The following FAM149B1 variants were observed in gnomAD, a reference collection of about 807,000 sequenced individuals.
The protein encoded by FAM149B1 is primary cilium assembly protein FAM149B1.
A neutral mutation model predicts 75.3 loss-of-function variants in FAM149B1; 56 were observed. That is an observed-to-expected ratio of 0.74 (90% CI 0.60 to 0.93). FAM149B1 has a LOEUF of 0.93. Among genes scored for constraint, FAM149B1 ranks in the 40% least tolerant of loss-of-function variants. The pLI, the probability that FAM149B1 is intolerant of heterozygous loss-of-function variation, is 0.00. For missense variants in FAM149B1, 639 were observed against 708.4 expected, an observed-to-expected ratio of 0.90 and a Z score of 1.11; for synonymous variants, 259 against 256.1, an observed-to-expected ratio of 1.01 and a Z score of -0.11.
At chr10:73,184,012 A>T (rs1233863203) in intron 3 of FAM149B1, among the ~76,000 whole-genome samples, 2 of 152,176 alleles carry the variant, frequency 1.3e-5, no homozygotes, top group African/African-American at 4.8e-5. Context: ...GAATTTATTA[A>T]GGATATCTGG....
chr10:73,234,613 G>C, intron 10 of FAM149B1: 1 of 569,684 alleles, frequency 1.8e-6, no homozygotes, highest in Admixed American at 3.2e-5. Context: ...CCAGAGTATA[G>C]AGCTTCAAAA....
intron 7 of FAM149B1, among the ~76,000 whole-genome samples, chr10:73,226,228 C>T (rs768820248): frequency 7.4e-4 from 113 of 151,994 alleles, no homozygotes; most frequent in African/African-American, 2.3e-3. Flanking sequence ...GACTTTGGGC[C>T]GGGCACAGTG....
chr10:73,239,189 C>T, intron 12 of FAM149B1, 123 bp from the exon 13 acceptor site: 3 of 738,838 alleles, frequency 4.1e-6, no homozygotes, highest in South Asian at 3.9e-5. Context: ...CTGACTTTTC[C>T]CTCAAGTTGG....
At chr10:73,177,605 G>A (rs917117151) in intron 2 of FAM149B1, among the ~76,000 whole-genome samples, 3 of 152,086 alleles carry the variant, frequency 2.0e-5, no homozygotes, top group Non-Finnish European at 4.4e-5. Context: ...TAGGTGAGAT[G>A]TTGAAGTATT....
chr10:73,243,219 T>C lies in FAM149B1; in HGVS notation c.*2200T>C. On this transcript the variant is annotated 3_prime_UTR_variant, in exon 14 of 14. Coordinates refer to ENST00000242505, the MANE Select transcript of FAM149B1 (RefSeq NM_173348.2). ...TGAGACCTCACACAATGTCAAGTGC[T>C]TTCTAGGAAATACTAAGATCAGGTT... is the stretch of plus-strand genomic sequence containing the variant. 1.6e-6 allele frequency: 1 copy of C among 641,136 alleles called. No individual in the cohort carries two copies. Among genetic ancestry groups the C allele is most frequent in the Non-Finnish European group, 2.6e-6 (1 of 379,416 alleles). The allele number at this position is 641,136 out of a possible 1,614,324, so 39.7% of individuals were successfully genotyped here.
chr10:73,191,924 C>G (rs1308530877), intron 3 of FAM149B1, among the ~76,000 whole-genome samples: 2 of 151,202 alleles, frequency 1.3e-5, no homozygotes. Flanking sequence ...GAGACACAGT[C>G]TAGCTCTGTC....
rs200790480 is a variant in FAM149B1, at chr10:73,177,807, T to C, written c.153-39T>C. ...CAGAAACTTGAGGACATATGAAAAA[T>C]TTTCTTTTTTCTCTCCTCCTCCCAA... On this transcript the variant is annotated intron_variant, in intron 2 of 13. Transcript: ENST00000242505. 5.4e-4 allele frequency: 832 copies of C among 1,529,468 alleles called. 2 individuals are homozygous for C. Among genetic ancestry groups the C allele is most frequent in the Non-Finnish European group, 7.0e-4 (801 of 1,143,088 alleles). The allele number at this position is 1,529,468 out of a possible 1,614,324, so 94.7% of individuals were successfully genotyped here. A position where few individuals can be genotyped will look rare whatever the true frequency, so the allele number is the denominator to read the frequency against.
chr10:73,172,237 AC>A (rs1181245299), intron 1 of FAM149B1, among the ~76,000 whole-genome samples: 1 of 152,228 alleles, frequency 6.6e-6, no homozygotes, highest in East Asian at 1.9e-4. Context: ...TGAGAGACAT[AC>A]AGGTAAGTCT....
chr10:73,239,502 C>A, intron 13 of FAM149B1, 118 bp downstream of exon 13: 1 of 723,270 alleles, frequency 1.4e-6, no homozygotes, highest in Non-Finnish European at 2.2e-6. Flanking sequence ...TTAATGTTTT[C>A]CCACATCTTT....
intron 12 of FAM149B1, among the ~76,000 whole-genome samples, chr10:73,236,002 C>G (rs1052384099): frequency 1.3e-5 from 2 of 152,188 alleles, no homozygotes; most frequent in African/African-American, 4.8e-5. Context: ...TGCTTTGTGG[C>G]AAGAGCACTT....
At position 73,210,452 on chromosome 10, in the gene FAM149B1, T is replaced by C. The variant is rs2043162152; in HGVS notation, c.898+14T>C. On this transcript the variant is annotated intron_variant, in intron 7 of 13. Transcript: ENST00000242505. ...GATTTGCCTCTGGTAAGGATCTTTG[T>C]GAAAATAATGTAAAAATCAATTGTT... 1.3e-6 allele frequency: 2 copies of C among 1,497,658 alleles called. No homozygotes were observed. Among genetic ancestry groups the C allele is most frequent in the Non-Finnish European group, 1.8e-6 (2 of 1,107,256 alleles). 92.8% of individuals were successfully genotyped at this position (1,497,658 alleles called of 1,614,324 possible).
At chr10:73,235,589 C>A in intron 12 of FAM149B1, 1 of 501,564 alleles carries the variant, frequency 2.0e-6, no homozygotes, top group Non-Finnish European at 3.2e-6. Context: ...TATTAAATCC[C>A]AGTACACATC....
intron 2 of FAM149B1, among the ~76,000 whole-genome samples, chr10:73,175,332 G>A (rs1380250699): frequency 6.6e-6 from 1 of 152,142 alleles, no homozygotes; most frequent in African/African-American, 2.4e-5. Flanking sequence ...TTTACACCAC[G>A]ATACTCCAGC....
At chr10:73,178,500 A>AAC (rs1212576624) in intron 3 of FAM149B1, among the ~76,000 whole-genome samples, 65 of 152,212 alleles carry the variant, frequency 4.3e-4, no homozygotes, top group Middle Eastern at 6.8e-3. Context: ...AAAAAAAAAA[A>AAC]AACAACAACA....
At chr10:73,195,793 ATTTTC>A (rs1341400691) in intron 5 of FAM149B1, among the ~76,000 whole-genome samples, 1 of 152,092 alleles carries the variant, frequency 6.6e-6, no homozygotes, top group Non-Finnish European at 1.5e-5. Flanking sequence ...GTTCTCAATA[ATTTTC>A]TTTACTTACA....
chr10:73,177,908 C>T lies in FAM149B1; in HGVS notation c.215C>T (p.Ala72Val). ...GCCGACACTGGGAATTCACTGTCTGCTTTTCCAAGTTATACAGGCGCAGGG... is the reference window on the plus strand; with the variant it reads ...GCCGACACTGGGAATTCACTGTCTGTTTTTCCAAGTTATACAGGCGCAGGG... ...TSADTGNSLS[A>V]FPSYTGAGIS... Residue 72 changes from alanine (A) to valine (V), a missense_variant, in exon 3 of 14, where the codon GCT (alanine) becomes GTT (valine). Coordinates refer to ENST00000242505, the MANE Select transcript of FAM149B1 (RefSeq NM_173348.2). The T allele has an allele frequency of 6.4e-7, 1 of 1,551,652 alleles. No individual in the cohort carries two copies. The highest frequency in any genetic ancestry group is 1.4e-5 in the African/African-American group (1 of 73,154).
chr10:73,218,263 TC>T (rs1436596066), intron 7 of FAM149B1, among the ~76,000 whole-genome samples: 1 of 152,220 alleles, frequency 6.6e-6, no homozygotes. Context: ...AGTTCTTTGC[TC>T]CATTCTCTGG....
chr10:73,231,550 A>G (rs2043698414), intron 9 of FAM149B1, among the ~76,000 whole-genome samples: 1 of 152,222 alleles, frequency 6.6e-6, no homozygotes, highest in African/African-American at 2.4e-5. Context: ...ACTGAAGGTA[A>G]GGGGTCAATG....
At chr10:73,211,449 C>T (rs1292879216) in intron 7 of FAM149B1, among the ~76,000 whole-genome samples, 1 of 152,288 alleles carries the variant, frequency 6.6e-6, no homozygotes, top group South Asian at 2.1e-4. Context: ...TGTGCCTCAA[C>T]CAGGGGCAGA....
Sources: allele counts gnomAD v4.1 joint callset (sites outside exome capture counted in the v4.1 genomes callset), GRCh38; gene constraint gnomAD v4.1.1; transcripts MANE v1.5; gene names NCBI Gene and HGNC (gene_info 2026-07-23, HGNC 2026-07-21).